Variants in POLA1 observed in about 807,000 individuals in gnomAD.
POLA1 encodes the protein DNA polymerase alpha catalytic subunit.
A neutral mutation model predicts 124.0 loss-of-function variants in POLA1; 15 were observed. The ratio of observed to expected loss-of-function variants is 0.12; its 90% confidence interval spans 0.08 to 0.19. The LOEUF (loss-of-function observed/expected upper bound fraction) is 0.19. Among genes scored for constraint, POLA1 ranks in the 10% least tolerant of loss-of-function variants. The pLI, the probability that POLA1 is intolerant of heterozygous loss-of-function variation, is 1.00. For synonymous variants in POLA1, 408 were observed against 389.4 expected (o/e 1.05, Z -0.56); for missense variants, 886 against 1,103.4 (o/e 0.80, Z 2.79).
intron 36 of POLA1, among the ~76,000 whole-genome samples, chrX:24,956,288 G>A (rs2048105654): frequency 9.2e-6 from 1 of 108,640 alleles, no homozygotes; most frequent in Admixed American, 9.9e-5. Context: ...GCAAGACCCT[G>A]TCTTTAAAAA....
At chrX:24,875,148 A>G (rs1453948325) in intron 34 of POLA1, among the ~76,000 whole-genome samples, 1 of 111,818 alleles carries the variant, frequency 8.9e-6, no homozygotes, top group East Asian at 2.8e-4. Context: ...AAGCAGGAGA[A>G]AAGAAAAAAA....
intron 35 of POLA1, among the ~76,000 whole-genome samples, chrX:24,922,142 T>C (rs771395282): frequency 9.0e-6 from 1 of 110,955 alleles, no homozygotes; most frequent in South Asian, 3.9e-4. Flanking sequence ...GGCGTGAACA[T>C]AGCTCACTGC....
chrX:24,743,203 T>TGAAG, intron 22 of POLA1, 27 bp from the exon 23 acceptor site: 1 of 762,681 alleles, frequency 1.3e-6, no homozygotes, highest in Non-Finnish European at 2.0e-6. Flanking sequence ...TGCTGGCTGG[T>TGAAG]GAAGTTATCT....
chrX:24,695,773 C>T (rs763990200), intron 1 of POLA1, among the ~76,000 whole-genome samples: 13 of 111,940 alleles, frequency 1.2e-4, no homozygotes, highest in East Asian at 1.1e-3. Context: ...CCACTGCGCC[C>T]GGCCAGGGAA....
chrX:24,723,811 GC>G (rs1390940226), intron 11 of POLA1, among the ~76,000 whole-genome samples: 2 of 112,377 alleles, frequency 1.8e-5, no homozygotes, highest in Non-Finnish European at 3.8e-5. Flanking sequence ...CTCCCGAGTA[GC>G]TGGGATTACA....
intron 34 of POLA1, among the ~76,000 whole-genome samples, chrX:24,871,831 T>C (rs112790777): frequency 0.011 from 1,219 of 112,024 alleles, 18 homozygotes; most frequent in African/African-American, 0.038. Flanking sequence ...AGGACTAATT[T>C]CCCAAATATA....
chrX:24,836,223 A>G (rs1260154739), intron 32 of POLA1, among the ~76,000 whole-genome samples: 1 of 111,953 alleles, frequency 8.9e-6, no homozygotes, highest in Non-Finnish European at 1.9e-5. Flanking sequence ...ATTCTGTATA[A>G]TATTTCATTG....
chrX:24,986,841 C>A (rs1014295302), intron 36 of POLA1, among the ~76,000 whole-genome samples: 1 of 110,732 alleles, frequency 9.0e-6, no homozygotes, highest in Non-Finnish European at 1.9e-5. Flanking sequence ...TTAAATTTCT[C>A]CCCCACTCTT....
At chrX:24,767,975 A>G (rs1051301043) in intron 26 of POLA1, among the ~76,000 whole-genome samples, 3 of 112,701 alleles carry the variant, frequency 2.7e-5, no homozygotes, top group Admixed American at 1.9e-4. Context: ...TCACAGAGCT[A>G]GTGAATAAAT....
chrX:24,818,310 C>G (rs1013793825), intron 30 of POLA1, among the ~76,000 whole-genome samples: 5 of 110,774 alleles, frequency 4.5e-5, no homozygotes, highest in Non-Finnish European at 7.6e-5. Context: ...CTTAACATTG[C>G]ACTGAAGAAT....
chrX:24,741,870 TTTTA>T, intron 21 of POLA1, 128 bp from the exon 22 acceptor site: 1 of 480,207 alleles, frequency 2.1e-6, no homozygotes. Context: ...CCTTTTTTTT[TTTTA>T]AAAAAAAAGC....
intron 4 of POLA1, among the ~76,000 whole-genome samples, chrX:24,711,092 C>T (rs1445521098): frequency 8.9e-6 from 1 of 111,913 alleles, no homozygotes; most frequent in Non-Finnish European, 1.9e-5. Flanking sequence ...AAGCTATCCT[C>T]CCACCTCAGT....
intron 26 of POLA1, among the ~76,000 whole-genome samples, chrX:24,763,394 C>G (rs1381878547): frequency 9.0e-6 from 1 of 111,113 alleles, no homozygotes; most frequent in Non-Finnish European, 1.9e-5. Flanking sequence ...GGAAGATGAC[C>G]AGGTTTGGGG....
rs2464708 is a variant in POLA1 at position 24,721,280 on chromosome X, T to C, written c.1088-1875T>C. ...TAAGAAACTGAGGCTCTGAAAGATATAATAGCTCTTTAGTGGTAGAAGCTT... is the reference window on the plus strand; with the variant it reads ...TAAGAAACTGAGGCTCTGAAAGATACAATAGCTCTTTAGTGGTAGAAGCTT... On this transcript the variant is annotated intron_variant, in intron 10 of 36. Transcript: ENST00000379068. 6.4e-3 allele frequency among the ~76,000 whole-genome samples: 725 copies of C among 112,499 alleles called. 5 individuals carry two copies. Among genetic ancestry groups the C allele is most frequent in the Non-Finnish European group, 0.01 (554 of 53,259 alleles).
chrX:24,905,051 A>G (rs1489828310), intron 35 of POLA1, among the ~76,000 whole-genome samples: 1 of 105,864 alleles, frequency 9.4e-6, no homozygotes, highest in Non-Finnish European at 1.9e-5. Context: ...AAAGTTGTTT[A>G]TGAACTTCTG....
chrX:24,738,924 G>T (rs1029370607), intron 19 of POLA1, among the ~76,000 whole-genome samples: 1 of 111,183 alleles, frequency 9.0e-6, no homozygotes, highest in African/African-American at 3.3e-5. Context: ...TCTTTAAGGT[G>T]GTAGAGTTGT....
intron 35 of POLA1, among the ~76,000 whole-genome samples, chrX:24,912,714 G>A (rs1028037680): frequency 8.9e-6 from 1 of 111,790 alleles, no homozygotes; most frequent in African/African-American, 3.3e-5. Context: ...AGGCTGCAGT[G>A]AGCAGTGACT....
Position 24,843,610 on chromosome X carries a change from C to T in POLA1, c.3980C>T (p.Thr1327Ile). The T allele has an allele frequency of 8.4e-7, 1 of 1,184,160 alleles. No homozygotes were observed. The highest frequency in any genetic ancestry group is 1.1e-6 in the Non-Finnish European group (1 of 873,111). ...ATCGATTGTAAGGCTTCACCTCTGA[C>T]CTTTACAGTACAACTGAGCAACAAA... is the stretch of plus-strand genomic sequence containing the variant. The part of the protein sequence containing the change: ...SNIDCKASPL[T>I]FTVQLSNKLI... Residue 1327 changes from threonine to isoleucine, a missense_variant, in exon 34 of 37, where the codon ACC (threonine) becomes ATC (isoleucine). This residue lies in a region of POLA1 where 313 missense variants were observed against 359.7 expected (regional missense o/e 0.87). Coordinates refer to ENST00000379068, the MANE Select transcript of POLA1 (RefSeq NM_001330360.2).
At chrX:24,725,268 C>T (rs191536383) in intron 12 of POLA1, among the ~76,000 whole-genome samples, 16 of 100,136 alleles carry the variant, frequency 1.6e-4, no homozygotes, top group Middle Eastern at 0.011. Flanking sequence ...GATCTTGGCT[C>T]ACTGCAACCT....
Sources: gnomAD v4.1 joint callset for allele counts (sites outside exome capture counted in the v4.1 genomes callset) on GRCh38, gnomAD v4.1.1 for gene constraint, gnomAD v4.1.1 regional missense constraint, MANE v1.5 for transcripts, NCBI Gene and HGNC (gene_info 2026-07-23, HGNC 2026-07-21) for gene names.